Variants in GABRA1 observed in about 807,000 individuals in gnomAD.
The protein encoded by GABRA1 is gamma-aminobutyric acid type A receptor subunit alpha1.
A neutral mutation model predicts 48.9 loss-of-function variants in GABRA1; 9 were observed. That is an observed-to-expected ratio of 0.18 (90% confidence interval 0.11 to 0.32). The LOEUF is 0.32. Ranked by LOEUF, GABRA1 falls within the 10% of genes least tolerant of loss-of-function variation. The pLI, the probability that GABRA1 is intolerant of heterozygous loss-of-function variation, is 1.00. For missense variants in GABRA1, 285 were observed against 553.8 expected (o/e 0.51, Z 4.87); for synonymous variants, 210 against 198.7 (o/e 1.06, Z -0.48).
At chr5:161,849,653 G>GA (rs1405786800) in intron 1 of GABRA1, among the ~76,000 whole-genome samples, 1 of 152,038 alleles carries the variant, frequency 6.6e-6, no homozygotes, top group Non-Finnish European at 1.5e-5. Flanking sequence ...AGGGTTTAAT[G>GA]AAAAAGAAGC....
At chr5:161,893,859 C>T (rs1755238584) in intron 8 of GABRA1, among the ~76,000 whole-genome samples, 1 of 152,162 alleles carries the variant, frequency 6.6e-6, no homozygotes, top group Non-Finnish European at 1.5e-5. Context: ...ATACTTGTAA[C>T]TTAAAAGCTG....
At chr5:161,853,945 A>C (rs1457377878) in intron 2 of GABRA1, among the ~76,000 whole-genome samples, 2 of 151,798 alleles carry the variant, frequency 1.3e-5, no homozygotes, top group East Asian at 1.9e-4. Context: ...ATTTCTTACA[A>C]TTTTCCTTTC....
intron 1 of GABRA1, 83 bp downstream of exon 1, chr5:161,848,505 C>CGGGGGGGGGG (rs35469580): frequency 1.3e-4 from 4 of 30,700 alleles, no homozygotes; most frequent in Admixed American, 9.9e-4. Flanking sequence ...ATGTTATAGT[C>CGGGGGGGGGG]GGGGGGGGGG....
intron 7 of GABRA1, among the ~76,000 whole-genome samples, 182 bp from the exon 8 acceptor site, chr5:161,890,716 T>A (rs780225770): frequency 6.6e-6 from 1 of 152,156 alleles, no homozygotes; most frequent in African/African-American, 2.4e-5. Flanking sequence ...CAGAGTCATT[T>A]TACTGTGTGT....
At chr5:161,860,968 CT>C (rs1162865342) in intron 3 of GABRA1, among the ~76,000 whole-genome samples, 1 of 151,352 alleles carries the variant, frequency 6.6e-6, no homozygotes, top group Non-Finnish European at 1.5e-5. Flanking sequence ...TAGATCATTC[CT>C]TTTTTTTCTG....
intron 4 of GABRA1, among the ~76,000 whole-genome samples, chr5:161,868,427 T>A (rs540201860): frequency 5.7e-4 from 87 of 152,232 alleles, no homozygotes; most frequent in Admixed American, 4.0e-3. Context: ...GATGTTTTTT[T>A]TCCAAATTAA....
rs1432472112 is a variant in GABRA1 at position 161,898,620 on chromosome 5, T to C, written c.*1198T>C. On this transcript the variant is annotated 3_prime_UTR_variant, in exon 10 of 10. Transcript: ENST00000393943. Reference sequence around the variant, plus strand: ...AACATATGGGTGTGAAGTCCACTTATGTAGACAAAACTTATAATTTCCAAA... The same window carrying C: ...AACATATGGGTGTGAAGTCCACTTACGTAGACAAAACTTATAATTTCCAAA... 6 of 152,336 alleles carry C rather than the reference T, an allele frequency of 3.9e-5. No homozygotes were observed. The highest frequency in any genetic ancestry group is 6.5e-5 in the Admixed American group (1 of 15,284). The allele number at this position is 152,336 out of a possible 1,614,324, so 9.4% of individuals were successfully genotyped here.
chr5:161,858,770 C>CT (rs1027486094), intron 3 of GABRA1, among the ~76,000 whole-genome samples: 2 of 151,720 alleles, frequency 1.3e-5, no homozygotes, highest in African/African-American at 4.8e-5. Flanking sequence ...GAAGAAAGAC[C>CT]TTTTCATCCT....
intron 7 of GABRA1, among the ~76,000 whole-genome samples, chr5:161,883,323 A>C (rs1024261766): frequency 1.5e-4 from 23 of 152,184 alleles, no homozygotes; most frequent in Admixed American, 4.6e-4. Flanking sequence ...AATTAAAAGT[A>C]GGTAGCATGC....
At chr5:161,866,290 A>C (rs1753845764) in intron 4 of GABRA1, among the ~76,000 whole-genome samples, 1 of 152,160 alleles carries the variant, frequency 6.6e-6, no homozygotes, top group Admixed American at 6.6e-5. Context: ...GCTTCATTGC[A>C]AAAAGCATTC....
chr5:161,857,279 G>T (rs1359523632), intron 3 of GABRA1, among the ~76,000 whole-genome samples: 1 of 151,234 alleles, frequency 6.6e-6, no homozygotes, highest in Non-Finnish European at 1.5e-5. Flanking sequence ...TTTTGCTTCT[G>T]AATGTCCTCA....
At chr5:161,856,662 G>T (rs1337099077) in intron 3 of GABRA1, among the ~76,000 whole-genome samples, 1 of 150,880 alleles carries the variant, frequency 6.6e-6, no homozygotes, top group Non-Finnish European at 1.5e-5. Context: ...CTTTGATACT[G>T]ATTAAACTTT....
intron 8 of GABRA1, among the ~76,000 whole-genome samples, chr5:161,893,884 GTTC>G (rs920297937): frequency 3.3e-5 from 5 of 152,130 alleles, no homozygotes; most frequent in Non-Finnish European, 5.9e-5. Flanking sequence ...ACAAATCTGT[GTTC>G]TTTTCTCTTT....
intron 7 of GABRA1, among the ~76,000 whole-genome samples, chr5:161,889,646 A>G (rs989993028): frequency 2.0e-5 from 3 of 152,094 alleles, no homozygotes; most frequent in African/African-American, 7.2e-5. Flanking sequence ...TATTAGAACT[A>G]TGCTATGCAT....
At chr5:161,878,129 G>A (rs1389225585) in intron 6 of GABRA1, among the ~76,000 whole-genome samples, 1 of 152,134 alleles carries the variant, frequency 6.6e-6, no homozygotes, top group South Asian at 2.1e-4. Context: ...TAGGTTCTCA[G>A]TAAATATTTA....
chr5:161,877,547 G>T (rs1055707503), intron 6 of GABRA1, among the ~76,000 whole-genome samples: 1 of 152,106 alleles, frequency 6.6e-6, no homozygotes, highest in Admixed American at 6.6e-5. Flanking sequence ...TGGTAAAAAT[G>T]AAAGGAGTAA....
In GABRA1 at chr5:161,854,234, G is replaced by T; in HGVS notation, c.151G>T (p.Asp51Tyr). 6.2e-7 allele frequency: 1 copy of T among 1,606,514 alleles called. No homozygotes were observed. Among genetic ancestry groups the T allele is most frequent in the Non-Finnish European group, 8.5e-7 (1 of 1,173,370 alleles). ...VFTRILDRLLDGYDNRLRPGL... is the reference protein window; with the variant it reads ...VFTRILDRLLYGYDNRLRPGL... The stretch of plus-strand genomic sequence containing the variant: ...CACCAGGATTTTGGACAGACTCCTA[G>T]ATGGTTATGACAATCGCCTGAGACC... Residue 51 changes from aspartate to tyrosine, a missense_variant, in exon 3 of 10, where the codon GAT becomes TAT. This residue lies in a region of GABRA1 where 105 missense variants were observed against 267.4 expected (regional missense o/e 0.39). Transcript: ENST00000393943.
rs376693195 is a variant in GABRA1, at chr5:161,882,709, C to T, written c.703+8C>T. 25 of 1,612,018 alleles carry T rather than the reference C, an allele frequency of 1.6e-5. No individual in the cohort carries two copies. Among genetic ancestry groups the T allele is most frequent in the Admixed American group, 5.0e-5 (3 of 59,846 alleles). On this transcript the variant is annotated splice_region_variant and intron_variant, in intron 7 of 9. Transcript: ENST00000393943. ...TTGTCCAGTCAAGTACAGGTAAGTA[C>T]GATTTTGTTACTTCAGTTATGGAGG...
At chr5:161,882,512 T>C (rs755718303) in intron 6 of GABRA1, 46 bp from the exon 7 acceptor site, 10 of 1,565,220 alleles carry the variant, frequency 6.4e-6, no homozygotes, top group South Asian at 4.4e-5. Flanking sequence ...AATAAGAGAA[T>C]TGAAGTGGTA....
Sources: gnomAD v4.1 joint callset for allele counts (sites outside exome capture counted in the v4.1 genomes callset) on GRCh38, gnomAD v4.1.1 for gene constraint, gnomAD v4.1.1 regional missense constraint, MANE v1.5 for transcripts, NCBI Gene and HGNC (gene_info 2026-07-23, HGNC 2026-07-21) for gene names.